Variants in SPOCK3 observed in about 807,000 individuals in gnomAD.
SPOCK3 encodes the protein testican-3.
A neutral mutation model predicts 56.6 loss-of-function variants in SPOCK3; 30 were observed. The observed-to-expected ratio is 0.53, with a 90% CI of 0.40 to 0.72. The LOEUF (loss-of-function observed/expected upper bound fraction) is 0.72, where lower values mean the gene tolerates loss of function less well. SPOCK3 is among the 30% of genes least tolerant of loss of function. The pLI, the probability that SPOCK3 is intolerant of heterozygous loss-of-function variation, is 0.00. For missense variants in SPOCK3, 527 were observed against 530.0 expected, an observed-to-expected ratio of 0.99 and a Z score of 0.06; for synonymous variants, 196 against 183.3, an observed-to-expected ratio of 1.07 and a Z score of -0.56.
At chr4:166,954,054 T>G (rs1743079349) in intron 4 of SPOCK3, among the ~76,000 whole-genome samples, 1 of 152,070 alleles carries the variant, frequency 6.6e-6, no homozygotes, top group Admixed American at 6.6e-5. Context: ...CTGCACATTG[T>G]GCACATGTAC....
intron 4 of SPOCK3, among the ~76,000 whole-genome samples, chr4:166,983,599 A>T (rs759592400): frequency 1.3e-5 from 2 of 152,130 alleles, no homozygotes; most frequent in Non-Finnish European, 2.9e-5. Context: ...AGTTTAGCGT[A>T]TATTTTTCAA....
At chr4:167,196,561 C>T (rs957448950) in intron 2 of SPOCK3, among the ~76,000 whole-genome samples, 5 of 151,616 alleles carry the variant, frequency 3.3e-5, no homozygotes, top group African/African-American at 9.7e-5. Context: ...TTATTGATTC[C>T]GTAAGTTTAC....
intron 2 of SPOCK3, among the ~76,000 whole-genome samples, chr4:167,097,865 T>C (rs896406605): frequency 2.6e-5 from 4 of 151,950 alleles, no homozygotes; most frequent in African/African-American, 9.7e-5. Flanking sequence ...CATGCAGCCA[T>C]AGAAAAGAAT....
At chr4:166,778,969 G>A (rs7698841) in intron 7 of SPOCK3, among the ~76,000 whole-genome samples, 39,601 of 151,862 alleles carry the variant, frequency 0.26, 5,533 homozygotes, top group East Asian at 0.54. Context: ...GAAGAAATCC[G>A]AGAAGAAAAT....
At chr4:167,017,004 A>G (rs1004986403) in intron 3 of SPOCK3, among the ~76,000 whole-genome samples, 1 of 152,150 alleles carries the variant, frequency 6.6e-6, no homozygotes, top group Non-Finnish European at 1.5e-5. Context: ...AGGGTGTAGT[A>G]AAGACAAGAT....
At chr4:166,926,746 A>G (rs903078204) in intron 4 of SPOCK3, among the ~76,000 whole-genome samples, 3 of 152,228 alleles carry the variant, frequency 2.0e-5, no homozygotes, top group African/African-American at 7.2e-5. Context: ...TTATTTTTAG[A>G]CAAAAATCAT....
chr4:167,017,046 C>T (rs1750695626), intron 3 of SPOCK3, among the ~76,000 whole-genome samples: 1 of 152,072 alleles, frequency 6.6e-6, no homozygotes, highest in South Asian at 2.1e-4. Flanking sequence ...AGAGCCTTCC[C>T]ATATTTTCTA....
chr4:166,775,571 G>A (rs1472154776), intron 7 of SPOCK3, among the ~76,000 whole-genome samples: 1 of 152,142 alleles, frequency 6.6e-6, no homozygotes, highest in Non-Finnish European at 1.5e-5. Flanking sequence ...ATCTGTATAT[G>A]GCTGATTTTC....
At chr4:167,187,420 C>A (rs565364425) in intron 2 of SPOCK3, among the ~76,000 whole-genome samples, 76 of 152,024 alleles carry the variant, frequency 5.0e-4, no homozygotes, top group African/African-American at 1.7e-3. Flanking sequence ...ATTATGAACC[C>A]AACATGGTCT....
rs146598173 is a variant in SPOCK3 at position 167,023,813 on chromosome 4, G to T, written c.236-23350C>A. ...AGGACAAGATTACACATGCTGGGGA[G>T]AAAAGAAAGTAAACCCTGCTGAATA... On this transcript the variant is annotated intron_variant, in intron 3 of 10. Coordinates refer to ENST00000357545, the MANE Select transcript of SPOCK3 (RefSeq NM_001040159.2). Among the ~76,000 whole-genome samples, 7 of 152,102 alleles carry T rather than the reference G, an allele frequency of 4.6e-5. No individual in the cohort carries two copies. In the East Asian group the frequency reaches 1.4e-3, roughly 30 times the overall value.
intron 2 of SPOCK3, among the ~76,000 whole-genome samples, chr4:167,197,832 T>G (rs2110899592): frequency 6.6e-6 from 1 of 152,280 alleles, no homozygotes; most frequent in East Asian, 1.9e-4. Context: ...CAAAAAACAT[T>G]ATTTTCTTCA....
chr4:166,814,207 C>T (rs1744154865), intron 6 of SPOCK3, among the ~76,000 whole-genome samples: 1 of 152,098 alleles, frequency 6.6e-6, no homozygotes. Context: ...AATCGTTAGG[C>T]ATCCAGCTTA....
chr4:166,796,213 C>T (rs1396806074), intron 6 of SPOCK3, among the ~76,000 whole-genome samples: 2 of 152,074 alleles, frequency 1.3e-5, no homozygotes, highest in African/African-American at 4.8e-5. Flanking sequence ...ACTAAATTGA[C>T]TAAGACACAC....
chr4:166,991,560 G>C (rs1423910232), intron 4 of SPOCK3, among the ~76,000 whole-genome samples: 1 of 151,666 alleles, frequency 6.6e-6, no homozygotes. Flanking sequence ...AGTAGACACA[G>C]GGTTTCACCA....
rs1734121376 is a variant in SPOCK3 at position 166,885,715 on chromosome 4, A to C, written c.589+3415T>G. On this transcript the variant is annotated intron_variant, in intron 6 of 10. Transcript: ENST00000357545. ...GCATAAAGAGTATGTGTTTAAATGC[A>C]TGTTGGGGTTAAAATATTCAAAATG... Among the ~76,000 whole-genome samples the C allele has an allele frequency of 2.6e-5, 4 of 152,184 alleles. 1 individual carries two copies. The South Asian group carries it at 8.3e-4, about 31-fold the overall frequency.
intron 7 of SPOCK3, among the ~76,000 whole-genome samples, chr4:166,773,690 TA>T (rs1198913371): frequency 6.6e-5 from 10 of 152,172 alleles, no homozygotes; most frequent in African/African-American, 2.4e-4. Context: ...ATCAGCTCTT[TA>T]TGGGTGCTGA....
intron 2 of SPOCK3, among the ~76,000 whole-genome samples, chr4:167,151,443 T>C (rs1175736866): frequency 1.3e-5 from 2 of 149,504 alleles, no homozygotes; most frequent in Non-Finnish European, 1.5e-5. Context: ...TTCTTTTTTT[T>C]TTTTTTTTTG....
chr4:167,214,464 ACT>A (rs1735173993), intron 2 of SPOCK3, among the ~76,000 whole-genome samples: 1 of 152,138 alleles, frequency 6.6e-6, no homozygotes, highest in Admixed American at 6.6e-5. Flanking sequence ...TACTAAAAAC[ACT>A]GTCATTTTTA....
At chr4:166,883,601 G>A (rs1733891817) in intron 6 of SPOCK3, among the ~76,000 whole-genome samples, 1 of 152,152 alleles carries the variant, frequency 6.6e-6, no homozygotes, top group Admixed American at 6.5e-5. Flanking sequence ...TGTCTGGTGT[G>A]GGTCCCAATA....
Sources: gnomAD v4.1 joint callset for allele counts (sites outside exome capture counted in the v4.1 genomes callset) on GRCh38, gnomAD v4.1.1 for gene constraint, MANE v1.5 for transcripts, NCBI Gene and HGNC (gene_info 2026-07-23, HGNC 2026-07-21) for gene names.